Variants in PCDH15 observed in about 807,000 individuals in gnomAD.
PCDH15 encodes the protein protocadherin-15.
PCDH15 carries 129 observed loss-of-function variants against 178.5 expected under a neutral mutation model. The ratio of observed to expected loss-of-function variants is 0.72; its 90% CI spans 0.63 to 0.84. PCDH15 has a LOEUF of 0.84. Ranked by LOEUF, PCDH15 falls within the 40% of genes least tolerant of loss-of-function variation. The pLI, the probability that PCDH15 is intolerant of heterozygous loss-of-function variation, is 0.00. For missense variants in PCDH15, 2,230 were observed against 2,099.9 expected (o/e 1.06, Z -1.21); for synonymous variants, 800 against 732.0 (o/e 1.09, Z -1.50).
At chr10:54,630,195 C>G (rs1270726303) in intron 2 of PCDH15, among the ~76,000 whole-genome samples, 1 of 152,102 alleles carries the variant, frequency 6.6e-6, no homozygotes, top group African/African-American at 2.4e-5. Flanking sequence ...TAGAAAAGAG[C>G]TTGAATAGCT....
intron 2 of PCDH15, among the ~76,000 whole-genome samples, chr10:55,455,143 G>A (rs1839522711): frequency 6.6e-6 from 1 of 152,104 alleles, no homozygotes; most frequent in African/African-American, 2.4e-5. Context: ...AACCCAGTAG[G>A]CCGTTTTCTG....
chr10:54,834,201 T>G (rs1174070842), intron 3 of PCDH15, among the ~76,000 whole-genome samples: 3 of 151,906 alleles, frequency 2.0e-5, no homozygotes, highest in Non-Finnish European at 4.4e-5. Flanking sequence ...TACCTTTTTT[T>G]TTTTTTGAGA....
intron 2 of PCDH15, among the ~76,000 whole-genome samples, chr10:55,562,059 T>G (rs1436709982): frequency 6.6e-6 from 1 of 151,996 alleles, no homozygotes; most frequent in Non-Finnish European, 1.5e-5. Context: ...TTTGATTTTC[T>G]GTCATATTTT....
intron 2 of PCDH15, among the ~76,000 whole-genome samples, chr10:55,627,106 C>T (rs1309244457): frequency 1.3e-5 from 2 of 152,052 alleles, no homozygotes; most frequent in African/African-American, 4.8e-5. Flanking sequence ...TCTTTGATAT[C>T]CTCCAACTTA....
intron 2 of PCDH15, among the ~76,000 whole-genome samples, chr10:55,135,148 C>A (rs1272160998): frequency 6.6e-6 from 1 of 152,028 alleles, no homozygotes; most frequent in East Asian, 1.9e-4. Flanking sequence ...ATTTAAATTT[C>A]ATAATAGATT....
chr10:54,958,798 A>G (rs184911461), intron 2 of PCDH15, among the ~76,000 whole-genome samples: 23 of 151,998 alleles, frequency 1.5e-4, no homozygotes, highest in African/African-American at 5.5e-4. Flanking sequence ...CAAAATGACC[A>G]GAATACTTAA....
At chr10:54,773,922 C>A (rs1161958382) in intron 1 of PCDH15, among the ~76,000 whole-genome samples, 1 of 145,714 alleles carries the variant, frequency 6.9e-6, no homozygotes. Flanking sequence ...AGGCCCAATT[C>A]TTATCTCTGA....
chr10:54,264,027 T>C (rs2057505588), intron 8 of PCDH15, among the ~76,000 whole-genome samples: 1 of 152,136 alleles, frequency 6.6e-6, no homozygotes, highest in Admixed American at 6.6e-5. Context: ...CTTTTGTACT[T>C]ACACCAGTGG....
At chr10:54,118,205 T>A (rs11004080) in intron 15 of PCDH15, among the ~76,000 whole-genome samples, 6,470 of 152,072 alleles carry the variant, frequency 0.043, 180 homozygotes, top group South Asian at 0.088. Flanking sequence ...CATATACTAA[T>A]GGAATATATT....
rs1554796123 is a variant in PCDH15 at position 54,796,268 on chromosome 10, A to ATCTATCTATCTATCTATCTG, written c.-29+4656_-29+4657insCAGATAGATAGATAGATAGA. On this transcript the variant is annotated intron_variant, in intron 1 of 37. Coordinates refer to ENST00000644397, the MANE Select transcript of PCDH15 (RefSeq NM_001384140.1). ...TATCTATCTATCTATCTATCTATCT[A>ATCTATCTATCTATCTATCTG]TCTATGTATCTATGTATCTATCTAT... is the stretch of plus-strand genomic sequence containing the variant. Among the ~76,000 whole-genome samples the ATCTATCTATCTATCTATCTG allele has an allele frequency of 3.0e-3, 366 of 120,932 alleles. 2 individuals carry two copies. The highest frequency in any genetic ancestry group is 4.0e-3 in the South Asian group (15 of 3,716). 79.3% of individuals were successfully genotyped at this position (120,932 alleles called of 152,430 possible).
chr10:54,146,978 G>GTA lies in PCDH15; in HGVS notation c.1784+6120_1784+6121dup, dbSNP rs374529506. ...TATATATATAATGTATATATATAGT[G>GTA]TATATATATATAATGTATATATATA... On this transcript the variant is annotated intron_variant, in intron 14 of 37. Coordinates refer to ENST00000644397, the MANE Select transcript of PCDH15 (RefSeq NM_001384140.1). 7.8e-4 allele frequency among the ~76,000 whole-genome samples: 93 copies of GTA among 119,738 alleles called. 2 individuals carry two copies. The highest frequency in any genetic ancestry group is 6.9e-3 in the Admixed American group (84 of 12,108). 78.6% of individuals were successfully genotyped at this position (119,738 alleles called of 152,430 possible). A position where few individuals can be genotyped will look rare whatever the true frequency, so the allele number is the denominator to read the frequency against.
intron 2 of PCDH15, among the ~76,000 whole-genome samples, chr10:55,607,669 A>G (rs1036054426): frequency 4.8e-5 from 7 of 146,742 alleles, no homozygotes; most frequent in African/African-American, 1.0e-4. Flanking sequence ...AACACCGCAT[A>G]TTCTCACTCA....
At chr10:54,452,013 T>C (rs935785905) in intron 3 of PCDH15, among the ~76,000 whole-genome samples, 5 of 151,976 alleles carry the variant, frequency 3.3e-5, no homozygotes, top group Admixed American at 1.3e-4. Flanking sequence ...TTATGTAGAA[T>C]TCATTTTACT....
At chr10:55,573,898 T>C (rs573992979) in intron 2 of PCDH15, among the ~76,000 whole-genome samples, 155 of 151,980 alleles carry the variant, frequency 1.0e-3, no homozygotes, top group African/African-American at 3.4e-3. Flanking sequence ...ACGTTTCTTT[T>C]AAATATATTA....
At chr10:54,005,907 AAGT>A (rs2135084735) in intron 20 of PCDH15, among the ~76,000 whole-genome samples, 1 of 152,264 alleles carries the variant, frequency 6.6e-6, no homozygotes, top group South Asian at 2.1e-4. Context: ...GAAGCAACCT[AAGT>A]GTCCATCAAC....
intron 7 of PCDH15, among the ~76,000 whole-genome samples, chr10:54,319,400 C>T (rs1591778128): frequency 6.6e-6 from 1 of 152,040 alleles, no homozygotes; most frequent in South Asian, 2.1e-4. Context: ...GCCTTGAAAA[C>T]ATCATGTTTT....
chr10:54,455,120 TTGTA>T (rs1472905298), intron 3 of PCDH15, among the ~76,000 whole-genome samples: 2 of 152,128 alleles, frequency 1.3e-5, no homozygotes, highest in African/African-American at 4.8e-5. Context: ...TCCAATATGA[TTGTA>T]TGTTTCCTGA....
At chr10:54,238,498 A>C (rs112741496) in intron 8 of PCDH15, among the ~76,000 whole-genome samples, 3 of 152,038 alleles carry the variant, frequency 2.0e-5, no homozygotes, top group Non-Finnish European at 4.4e-5. Flanking sequence ...CCTGAAAATA[A>C]AGAGTTGTTG....
At chr10:54,860,584 G>C (rs1953821893) in intron 3 of PCDH15, among the ~76,000 whole-genome samples, 1 of 151,916 alleles carries the variant, frequency 6.6e-6, no homozygotes, top group Non-Finnish European at 1.5e-5. Flanking sequence ...CAATATCTTT[G>C]CTATTGCAAA....
Sources: gnomAD v4.1 joint callset for allele counts (sites outside exome capture counted in the v4.1 genomes callset) on GRCh38, gnomAD v4.1.1 for gene constraint, MANE v1.5 for transcripts, NCBI Gene and HGNC (gene_info 2026-07-23, HGNC 2026-07-21) for gene names.